Variants in ITGA9 observed in about 807,000 individuals in gnomAD.
ITGA9 encodes integrin alpha-9.
A neutral mutation model predicts 127.8 loss-of-function variants in ITGA9; 56 were observed. The observed-to-expected ratio is 0.44, with a 90% CI of 0.35 to 0.55. ITGA9 has a LOEUF of 0.55. ITGA9 is among the 20% of genes least tolerant of loss of function. The pLI is 0.00. For synonymous variants in ITGA9, 508 were observed against 514.5 expected (o/e 0.99, Z 0.17); for missense variants, 1,196 against 1,347.1 (o/e 0.89, Z 1.76).
rs140254176 is a variant in ITGA9, at chr3:37,746,739, G to A, written c.2433+2705G>A. On this transcript the variant is annotated intron_variant, in intron 22 of 27. Coordinates refer to ENST00000264741, the MANE Select transcript of ITGA9 (RefSeq NM_002207.3). ...ATTCCTTCCTTTTCTATGTCTTCAGGTTGTTTGGTGAATATTGTTCTTTTT... is the reference window on the plus strand; with the variant it reads ...ATTCCTTCCTTTTCTATGTCTTCAGATTGTTTGGTGAATATTGTTCTTTTT... Among the ~76,000 whole-genome samples, 24 of 152,246 alleles carry A rather than the reference G, an allele frequency of 1.6e-4. No homozygotes were observed. The East Asian group carries it at 2.9e-3, about 18-fold the overall frequency.
At chr3:37,619,068 T>A (rs1700102911) in intron 15 of ITGA9, among the ~76,000 whole-genome samples, 1 of 152,192 alleles carries the variant, frequency 6.6e-6, no homozygotes, top group Non-Finnish European at 1.5e-5. Context: ...CTGGGAGCAG[T>A]AGACTGGAGC....
chr3:37,800,963 G>A (rs530692177), intron 26 of ITGA9, among the ~76,000 whole-genome samples: 4 of 152,060 alleles, frequency 2.6e-5, no homozygotes, highest in East Asian at 1.9e-4. Flanking sequence ...CCAGGAGTTC[G>A]AGACCAGCCA....
chr3:37,534,487 C>T (rs1416915390), intron 14 of ITGA9, among the ~76,000 whole-genome samples: 2 of 152,256 alleles, frequency 1.3e-5, no homozygotes, highest in Admixed American at 6.5e-5. Context: ...CTGTGGAGCA[C>T]ACATGTGTGC....
At chr3:37,537,737 G>T (rs1167541608) in intron 14 of ITGA9, among the ~76,000 whole-genome samples, 1 of 152,178 alleles carries the variant, frequency 6.6e-6, no homozygotes, top group Non-Finnish European at 1.5e-5. Context: ...TGAGCTCCGG[G>T]CCCCTTGTGT....
intron 15 of ITGA9, among the ~76,000 whole-genome samples, chr3:37,614,732 G>T (rs571852457): frequency 0.014 from 2,134 of 151,968 alleles, 43 homozygotes; most frequent in African/African-American, 0.048. Context: ...AAGCAATTGT[G>T]AATGGGAGTT....
At chr3:37,682,676 G>A (rs1045351911) in intron 17 of ITGA9, among the ~76,000 whole-genome samples, 1 of 152,110 alleles carries the variant, frequency 6.6e-6, no homozygotes, top group African/African-American at 2.4e-5. Context: ...TTTCTCTGCT[G>A]AACCTTCTCA....
intron 23 of ITGA9, among the ~76,000 whole-genome samples, chr3:37,764,173 T>A (rs1056618910): frequency 2.0e-5 from 3 of 152,192 alleles, no homozygotes; most frequent in Non-Finnish European, 2.9e-5. Context: ...GAAGTTGAGC[T>A]ATTACCTTGA....
At chr3:37,591,003 C>G (rs577801893) in intron 15 of ITGA9, among the ~76,000 whole-genome samples, 1 of 152,184 alleles carries the variant, frequency 6.6e-6, no homozygotes, top group South Asian at 2.1e-4. Context: ...TGCTCTGCCC[C>G]ACCCTGTCCT....
At chr3:37,465,738 C>G (rs1698363027) in intron 1 of ITGA9, among the ~76,000 whole-genome samples, 1 of 152,184 alleles carries the variant, frequency 6.6e-6, no homozygotes, top group African/African-American at 2.4e-5. Flanking sequence ...CTCTTCCAAA[C>G]CCCAGCATGC....
At chr3:37,782,862 G>A (rs964467289) in intron 25 of ITGA9, among the ~76,000 whole-genome samples, 3 of 152,198 alleles carry the variant, frequency 2.0e-5, no homozygotes, top group African/African-American at 4.8e-5. Flanking sequence ...TGTAGGAGCC[G>A]GGCGCAGTGG....
intron 18 of ITGA9, among the ~76,000 whole-genome samples, chr3:37,699,274 G>T (rs1700920523): frequency 6.6e-6 from 1 of 152,006 alleles, no homozygotes; most frequent in Non-Finnish European, 1.5e-5. Flanking sequence ...TCCAGCGTTG[G>T]GTACCAAATT....
chr3:37,737,340 T>G (rs947757144), intron 20 of ITGA9, among the ~76,000 whole-genome samples: 5 of 148,338 alleles, frequency 3.4e-5, no homozygotes, highest in African/African-American at 1.2e-4. Flanking sequence ...CTGCAAATTG[T>G]CTGGCTGGGC....
intron 18 of ITGA9, among the ~76,000 whole-genome samples, chr3:37,698,475 AC>A (rs1700912075): frequency 6.6e-6 from 1 of 152,216 alleles, no homozygotes; most frequent in Non-Finnish European, 1.5e-5. Context: ...TTTAGGTCTA[AC>A]ATCTAAGTTT....
At chr3:37,509,033 C>T (rs1298320521) in intron 8 of ITGA9, among the ~76,000 whole-genome samples, 3 of 152,312 alleles carry the variant, frequency 2.0e-5, no homozygotes, top group Non-Finnish European at 2.9e-5. Flanking sequence ...GTTTCACCAG[C>T]CCAACATTAC....
chr3:37,744,714 T>C (rs1471211634), intron 22 of ITGA9, among the ~76,000 whole-genome samples: 1 of 152,236 alleles, frequency 6.6e-6, no homozygotes, highest in African/African-American at 2.4e-5. Context: ...TGTGGGCCAT[T>C]TGGCCTCTGC....
chr3:37,584,918 C>T (rs1699743167), intron 15 of ITGA9, among the ~76,000 whole-genome samples: 1 of 152,136 alleles, frequency 6.6e-6, no homozygotes, highest in Non-Finnish European at 1.5e-5. Context: ...ACCATTATCC[C>T]TCCTGCTTTG....
intron 15 of ITGA9, among the ~76,000 whole-genome samples, chr3:37,574,146 G>C (rs866453380): frequency 4.6e-5 from 7 of 152,252 alleles, no homozygotes; most frequent in Non-Finnish European, 2.9e-5. Context: ...GGAGAAGATT[G>C]GTTGTAAAAG....
chr3:37,514,011 G>A (rs1698960528), intron 9 of ITGA9, 111 bp downstream of exon 9: 8 of 1,297,090 alleles, frequency 6.2e-6, no homozygotes, highest in Non-Finnish European at 7.8e-6. Flanking sequence ...GTTACCCAGA[G>A]GAGATGAAAA....
At chr3:37,683,012 G>C (rs1700748176) in intron 17 of ITGA9, among the ~76,000 whole-genome samples, 1 of 152,144 alleles carries the variant, frequency 6.6e-6, no homozygotes, top group Admixed American at 6.5e-5. Flanking sequence ...CTAACGTCAA[G>C]TCACGCTGCT....
Sources: allele counts gnomAD v4.1 joint callset (sites outside exome capture counted in the v4.1 genomes callset), GRCh38; gene constraint gnomAD v4.1.1; transcripts MANE v1.5; gene names NCBI Gene and HGNC (gene_info 2026-07-23, HGNC 2026-07-21).